TET1: variants seen among roughly 807,000 people sequenced by gnomAD.
TET1 encodes methylcytosine dioxygenase TET1.
TET1 carries 13 observed loss-of-function variants against 148.7 expected under a neutral mutation model. That is an observed-to-expected ratio of 0.09 (90% CI 0.06 to 0.14). The LOEUF is 0.14. Ranked by LOEUF, TET1 falls within the 10% of genes least tolerant of loss-of-function variation. TET1 has a pLI of 1.00. For missense variants in TET1, 2,182 were observed against 2,553.8 expected (o/e 0.85, Z 3.14); for synonymous variants, 907 against 937.2 (o/e 0.97, Z 0.59).
chr10:68,564,460 T>A (rs2053586041), intron 1 of TET1, among the ~76,000 whole-genome samples: 1 of 134,920 alleles, frequency 7.4e-6, no homozygotes, highest in Non-Finnish European at 1.5e-5. Context: ...AAAATTATTC[T>A]GTTGTTGTTT....
At chr10:68,567,387 A>T (rs1292359470) in intron 1 of TET1, among the ~76,000 whole-genome samples, 2 of 151,930 alleles carry the variant, frequency 1.3e-5, no homozygotes, top group Admixed American at 6.6e-5. Context: ...TGAACCCGGG[A>T]GGGTTCAAGT....
At chr10:68,605,621 C>T (rs2132893078) in intron 3 of TET1, among the ~76,000 whole-genome samples, 1 of 152,300 alleles carries the variant, frequency 6.6e-6, no homozygotes, top group East Asian at 1.9e-4. Context: ...TCAAATGATT[C>T]TCCTGCCTCA....
intron 7 of TET1, among the ~76,000 whole-genome samples, chr10:68,670,233 C>T (rs1313936138): frequency 6.6e-6 from 1 of 152,016 alleles, no homozygotes; most frequent in African/African-American, 2.4e-5. Flanking sequence ...CATCCATTTC[C>T]CAATAATTTT....
At chr10:68,685,116 G>A (rs2055491837) in intron 10 of TET1, among the ~76,000 whole-genome samples, 2 of 152,084 alleles carry the variant, frequency 1.3e-5, no homozygotes, top group South Asian at 2.1e-4. Flanking sequence ...TTAGCTATGC[G>A]TGATGGTACA....
At chr10:68,583,013 C>T (rs973368105) in intron 2 of TET1, among the ~76,000 whole-genome samples, 2 of 152,152 alleles carry the variant, frequency 1.3e-5, no homozygotes, top group Non-Finnish European at 2.9e-5. Context: ...GAAATTTTGT[C>T]ACAGCAGTTC....
chr10:68,588,156 C>T (rs191497202), intron 2 of TET1, among the ~76,000 whole-genome samples: 290 of 152,298 alleles, frequency 1.9e-3, no homozygotes, highest in African/African-American at 6.6e-3. Context: ...GCCACCTTGC[C>T]TGGCTTTTAT....
At chr10:68,637,155 T>C (rs536167431) in intron 3 of TET1, among the ~76,000 whole-genome samples, 100 of 152,002 alleles carry the variant, frequency 6.6e-4, no homozygotes, top group Non-Finnish European at 1.3e-3. Context: ...CGTGCCACCA[T>C]GTTCCGCTAA....
chr10:68,595,187 A>G (rs2053964172), intron 2 of TET1, among the ~76,000 whole-genome samples: 1 of 151,816 alleles, frequency 6.6e-6, no homozygotes, highest in Non-Finnish European at 1.5e-5. Context: ...GGTACAAGAC[A>G]TTCTTTTCTT....
chr10:68,627,373 G>A (rs1440173834), intron 3 of TET1, among the ~76,000 whole-genome samples: 2 of 151,726 alleles, frequency 1.3e-5, no homozygotes, highest in African/African-American at 4.9e-5. Context: ...TCACGCCACC[G>A]TACTCCAGCC....
chr10:68,656,560 G>GAAA (rs1443328939), intron 6 of TET1, among the ~76,000 whole-genome samples: 1 of 152,142 alleles, frequency 6.6e-6, no homozygotes, highest in African/African-American at 2.4e-5. Flanking sequence ...TTTTATGTCA[G>GAAA]AAAAATCGTA....
chr10:68,666,360 G>C (rs1170274998), intron 6 of TET1, among the ~76,000 whole-genome samples: 1 of 152,120 alleles, frequency 6.6e-6, no homozygotes, highest in Non-Finnish European at 1.5e-5. Context: ...GCATTCCTTT[G>C]TGTATATTAA....
chr10:68,584,050 T>TA (rs199700297), intron 2 of TET1, among the ~76,000 whole-genome samples: 1 of 151,640 alleles, frequency 6.6e-6, no homozygotes, highest in Non-Finnish European at 1.5e-5. Flanking sequence ...TTTTTTTTTT[T>TA]AATTTTTTTG....
rs1437946748 is a variant in TET1 at position 68,644,707 on chromosome 10, GACA to G, written c.1983_1985del (p.Asn661del). 1 of 1,559,014 alleles carries G rather than the reference GACA, an allele frequency of 6.4e-7. No individual in the cohort carries two copies. The highest frequency in any genetic ancestry group is 8.6e-7 in the Non-Finnish European group (1 of 1,156,308). ...TTTCTGTATTTTACAGGCAGATTTT[GACA>G]ACAAACCAGTAAATGGCCCCAAGTC... is the stretch of plus-strand genomic sequence containing the variant. On this transcript the variant is annotated inframe_deletion, in exon 4 of 12. Coordinates refer to ENST00000373644, the MANE Select transcript of TET1 (RefSeq NM_030625.3).
intron 8 of TET1, among the ~76,000 whole-genome samples, chr10:68,678,451 T>C (rs1237167575): frequency 6.6e-6 from 1 of 152,166 alleles, no homozygotes; most frequent in Non-Finnish European, 1.5e-5. Flanking sequence ...AGAGATTAGA[T>C]ACAGAGTGTG....
intron 2 of TET1, among the ~76,000 whole-genome samples, chr10:68,579,624 T>C (rs2053769477): frequency 6.6e-6 from 1 of 152,228 alleles, no homozygotes; most frequent in Non-Finnish European, 1.5e-5. Flanking sequence ...TCTAACTACA[T>C]GTAGTGTTCT....
rs773912826 is a variant in TET1, at chr10:68,646,406, C to T, written c.3677C>T (p.Thr1226Met). ...AAAATATGGAAACCACTGGCTCAAA[C>T]GAGGTCCATTATGCAACCCAAAACA... Reference protein sequence around the residue: ...STKIWKPLAQTRSIMQPKTVF... With the variant: ...STKIWKPLAQMRSIMQPKTVF... The change falls in exon 4 of 12, where the codon ACG becomes ATG. Residue 1226 changes from threonine to methionine, a missense_variant. Thr to Met is a moderately conservative substitution (Grantham distance 81). Transcript: ENST00000373644. 41 of 1,614,128 alleles carry T rather than the reference C, an allele frequency of 2.5e-5. No individual in the cohort carries two copies. The highest frequency in any genetic ancestry group is 3.3e-5 in the South Asian group (3 of 91,082).
intron 3 of TET1, among the ~76,000 whole-genome samples, chr10:68,638,541 A>G (rs186673381): frequency 2.5e-4 from 38 of 152,240 alleles, no homozygotes; most frequent in South Asian, 8.3e-4. Context: ...GTTATTAGGG[A>G]AAAAAATGTC....
chr10:68,649,193 G>T (rs2054894372), intron 4 of TET1, among the ~76,000 whole-genome samples: 1 of 152,138 alleles, frequency 6.6e-6, no homozygotes, highest in Non-Finnish European at 1.5e-5. Context: ...AGAAACTGAG[G>T]CACAGAGAAT....
intron 3 of TET1, among the ~76,000 whole-genome samples, chr10:68,614,447 A>G (rs2054260347): frequency 6.6e-6 from 1 of 152,234 alleles, no homozygotes; most frequent in Admixed American, 6.6e-5. Flanking sequence ...CAAAAAACTC[A>G]GTCAAATTCA....
Sources: allele counts gnomAD v4.1 joint callset (sites outside exome capture counted in the v4.1 genomes callset), GRCh38; gene constraint gnomAD v4.1.1; transcripts MANE v1.5; gene names NCBI Gene and HGNC (gene_info 2026-07-23, HGNC 2026-07-21).